Variants in PITRM1 observed in about 807,000 individuals in gnomAD.
PITRM1 encodes the protein pitrilysin metallopeptidase 1.
PITRM1 carries 100 observed loss-of-function variants against 129.9 expected under a neutral mutation model. The ratio of observed to expected loss-of-function variants is 0.77; its 90% CI spans 0.65 to 0.91. The LOEUF is 0.91. PITRM1 is among the 40% of genes least tolerant of loss of function. PITRM1 has a pLI of 0.00. For missense variants in PITRM1, 1,471 were observed against 1,318.3 expected, an observed-to-expected ratio of 1.12 and a Z score of -1.79; for synonymous variants, 591 against 508.8, an observed-to-expected ratio of 1.16 and a Z score of -2.17.
intron 22 of PITRM1, chr10:3,143,871 C>A: frequency 1.9e-6 from 1 of 538,842 alleles, no homozygotes; most frequent in South Asian, 1.6e-5. Context: ...TGTTAAATCA[C>A]TCTACTCCAC....
intron 1 of PITRM1, chr10:3,172,251 T>C (rs1233919382): frequency 4.4e-6 from 2 of 459,082 alleles, no homozygotes; most frequent in South Asian, 3.1e-5. Context: ...TCCCCATAAA[T>C]TGAGTCATTA....
intron 15 of PITRM1, among the ~76,000 whole-genome samples, chr10:3,150,116 A>C (rs920334753): frequency 6.6e-6 from 1 of 151,236 alleles, no homozygotes; most frequent in Non-Finnish European, 1.5e-5. Flanking sequence ...ATCTTCCCCA[A>C]CAGGCCCTGC....
chr10:3,156,975 C>T lies in PITRM1; in HGVS notation c.1437G>A (p.Gln479=). ...NQLAKFRQCL[Q]ENPKFLQEKV... The stretch of plus-strand genomic sequence containing the variant: ...TTTCTTGCAAAAATTTTGGATTTTC[C>T]TGCAGGCACTGTCTGAATTTAGCTA... Residue 479 remains glutamine (Q), a synonymous_variant, in exon 13 of 27, where the codon CAG becomes CAA. Transcript: ENST00000224949. The T allele has an allele frequency of 6.2e-7, 1 of 1,605,446 alleles. No individual in the cohort carries two copies. Among genetic ancestry groups the T allele is most frequent in the African/African-American group, 1.3e-5 (1 of 74,632 alleles).
intron 1 of PITRM1, chr10:3,172,095 G>T: frequency 2.4e-6 from 1 of 424,542 alleles, no homozygotes; most frequent in East Asian, 7.1e-5. Context: ...GACATGATAG[G>T]AAACTCCTGA....
rs1842864254 is a variant in PITRM1, at chr10:3,166,387, A to G, written c.267-7T>C. 6.6e-7 allele frequency: 1 copy of G among 1,505,944 alleles called. No homozygotes were observed. 93.3% of individuals were successfully genotyped at this position (1,505,944 alleles called of 1,614,324 possible). A position where few individuals can be genotyped will look rare whatever the true frequency, so the allele number is the denominator to read the frequency against. ...AGTAGTACGGAACTGCACGCTAGGG[A>G]AGGAGAATGACCAGAACGCAAAAGG... On this transcript the variant is annotated splice_polypyrimidine_tract_variant and splice_region_variant and intron_variant, in intron 3 of 26. Coordinates refer to ENST00000224949, the MANE Select transcript of PITRM1 (RefSeq NM_014889.4).
At chr10:3,172,676 G>A (rs1173947571) in intron 1 of PITRM1, 41 bp downstream of exon 1, 3 of 1,520,090 alleles carry the variant, frequency 2.0e-6, no homozygotes, top group South Asian at 1.2e-5. Context: ...CTCCCCTCCC[G>A]GGTACCAGCG....
chr10:3,171,146 TTAAAAAAAAAAAAAA>T (rs1326115640), intron 1 of PITRM1, among the ~76,000 whole-genome samples: 19 of 36,266 alleles, frequency 5.2e-4, no homozygotes, highest in East Asian at 4.6e-3. Flanking sequence ...AATCGTTCAA[TTAAAAAAAAAAAAAA>T]AAAAAAAAAA....
At chr10:3,139,385 G>A (rs10508247) in intron 24 of PITRM1, among the ~76,000 whole-genome samples, 1 of 151,990 alleles carries the variant, frequency 6.6e-6, no homozygotes, top group East Asian at 1.9e-4. Context: ...AAATTACAAA[G>A]ACTTACATGG....
Position 3,167,106 on chromosome 10 carries a change from T to C in PITRM1, c.160-64A>G, listed in dbSNP as rs897383594. On this transcript the variant is annotated intron_variant, in intron 2 of 26. Transcript: ENST00000224949. ...CAAAATGGCCTTTGAAATGGTTATG[T>C]TCGACACACTGAGAAAACTGGCTTT... The C allele has an allele frequency of 2.9e-5, 26 of 903,816 alleles. 1 individual carries two copies. The highest frequency in any genetic ancestry group is 4.3e-4 in the Middle Eastern group (2 of 4,618). The allele number at this position is 903,816 out of a possible 1,614,324, so 56.0% of individuals were successfully genotyped here. A position where few individuals can be genotyped will look rare whatever the true frequency, so the allele number is the denominator to read the frequency against.
intron 23 of PITRM1, among the ~76,000 whole-genome samples, chr10:3,141,211 G>C (rs959716897): frequency 6.6e-6 from 1 of 152,206 alleles, no homozygotes; most frequent in African/African-American, 2.4e-5. Context: ...TGAGCTTACA[G>C]GCATGAGATT....
At chr10:3,142,975 C>T (rs114049243) in intron 23 of PITRM1, 1,817 of 164,852 alleles carry the variant, frequency 0.011, 41 homozygotes, top group African/African-American at 0.042. Context: ...CTTGTAGCTT[C>T]GTGTCTTGAT....
At chr10:3,147,301 G>C in intron 19 of PITRM1, 51 bp from the exon 20 acceptor site, 1 of 1,332,392 alleles carries the variant, frequency 7.5e-7, no homozygotes. Context: ...CAACAGACCC[G>C]CTGAGTCTGA....
At position 3,144,502 on chromosome 10, in the gene PITRM1, G is replaced by A. The variant is rs1173254114; in HGVS notation, c.2458-136C>T. 9 of 586,474 alleles carry A rather than the reference G, an allele frequency of 1.5e-5. 1 individual carries two copies. The highest frequency in any genetic ancestry group is 1.1e-4 in the East Asian group (4 of 35,386). The allele number at this position is 586,474 out of a possible 1,614,324, so 36.3% of individuals were successfully genotyped here. A position where few individuals can be genotyped will look rare whatever the true frequency, so the allele number is the denominator to read the frequency against. ...GGTGTAAGTGTTTTAAATAATAAAC[G>A]CTTAAAAAAAATAAAAATAGGCTGG... On this transcript the variant is annotated intron_variant, in intron 21 of 26. Transcript: ENST00000224949.
At chr10:3,144,732 G>T (rs1345769852) in intron 21 of PITRM1, among the ~76,000 whole-genome samples, 1 of 152,138 alleles carries the variant, frequency 6.6e-6, no homozygotes, top group Non-Finnish European at 1.5e-5. Context: ...TTGAGCCCAG[G>T]AGGTCACGGC....
intron 23 of PITRM1, 132 bp from the exon 24 acceptor site, chr10:3,140,944 T>TA: frequency 2.3e-6 from 2 of 854,154 alleles, no homozygotes; most frequent in Non-Finnish European, 3.6e-6. Context: ...GTCCCATATT[T>TA]TGGTCTTGTT....
In PITRM1 at chr10:3,138,922, C is replaced by G. The variant is rs771785702; in HGVS notation, c.2899G>C (p.Val967Leu). Residue 967 changes from valine to leucine, a missense_variant, in exon 25 of 27, where the codon GTC (valine) becomes CTC (leucine). Val to Leu is a conservative substitution (Grantham distance 32). Coordinates refer to ENST00000224949, the MANE Select transcript of PITRM1 (RefSeq NM_014889.4). ...AAAATACCTTTGTCTGAAGGAGCGA[C>G]AGGAGCATCTACGGTTGAGAAGACA... ...LSVFSTVDAPVAPSDKGMDHF... is the reference protein window; with the variant it reads ...LSVFSTVDAPLAPSDKGMDHF... The G allele has an allele frequency of 1.9e-6, 3 of 1,613,836 alleles. No individual in the cohort carries two copies. Among genetic ancestry groups the G allele is most frequent in the Non-Finnish European group, 2.5e-6 (3 of 1,179,848 alleles).
At chr10:3,145,815 A>C in intron 20 of PITRM1, 99 bp from the exon 21 acceptor site, 1 of 987,790 alleles carries the variant, frequency 1.0e-6, no homozygotes, top group Non-Finnish European at 1.5e-6. Flanking sequence ...TTTTTATAGA[A>C]AATACTGTTC....
rs34837384 is a variant in PITRM1 at position 3,145,639 on chromosome 10, C to T, written c.2414G>A (p.Arg805Gln). 2.3e-3 allele frequency: 3,534 copies of T among 1,550,176 alleles called. 80 individuals carry two copies. The African/African-American group carries it at 0.044, about 19-fold the overall frequency. ...CACAGGCCTCCGTTCCTTTTTACTC[C>T]GACCGATGCTTCTAAGGAAGTCTTC... is the stretch of plus-strand genomic sequence containing the variant. ...AVEDFLRSIG[R>Q]SKKERRPVRP... The change falls in exon 21 of 27, where the codon CGG becomes CAG. Residue 805 changes from arginine to glutamine, a missense_variant. Physicochemically the swap from Arg to Gln is conservative, Grantham distance 43. Transcript: ENST00000224949.
In PITRM1 at chr10:3,147,719, C is replaced by G; in HGVS notation, c.2088G>C (p.Glu696Asp). ...TCTTCACCAGCACCTTGAAGTGCTC[C>G]TCTTCTTCAAAGCACGGGCTATGGA... is the stretch of plus-strand genomic sequence containing the variant. ...EIFNNPCFEE[E>D]EHFKVLVKMT... The change falls in exon 19 of 27, where the codon GAG (glutamate) becomes GAC (aspartate). Residue 696 changes from glutamate (E) to aspartate (D), a missense_variant. Glu to Asp is a conservative substitution (Grantham distance 45, BLOSUM62 2). Transcript: ENST00000224949. 1 of 1,596,810 alleles carries G rather than the reference C, an allele frequency of 6.3e-7. No individual in the cohort carries two copies. The highest frequency in any genetic ancestry group is 8.5e-7 in the Non-Finnish European group (1 of 1,173,910).
Sources: gnomAD v4.1 joint callset for allele counts (sites outside exome capture counted in the v4.1 genomes callset) on GRCh38, gnomAD v4.1.1 for gene constraint, MANE v1.5 for transcripts, NCBI Gene and HGNC (gene_info 2026-07-23, HGNC 2026-07-21) for gene names.